Variants in CBX3 observed in about 807,000 individuals in gnomAD.
CBX3 encodes chromobox 3.
CBX3 carries 5 observed loss-of-function variants against 22.6 expected under a neutral mutation model. The ratio of observed to expected loss-of-function variants is 0.22; its 90% CI spans 0.12 to 0.47. The LOEUF is 0.47. CBX3 is among the 20% of genes least tolerant of loss of function. The pLI is 0.99. For synonymous variants in CBX3, 50 were observed against 66.6 expected, an observed-to-expected ratio of 0.75 and a Z score of 1.21; for missense variants, 83 against 208.1, an observed-to-expected ratio of 0.40 and a Z score of 3.70.
intron 1 of CBX3, chr7:26,202,038 C>G (rs903916367): frequency 6.6e-6 from 1 of 151,744 alleles, no homozygotes; most frequent in South Asian, 2.1e-4. Flanking sequence ...GACTGCTCTG[C>G]CCTCGAGGGG....
intron 3 of CBX3, among the ~76,000 whole-genome samples, chr7:26,207,183 G>A (rs10085828): frequency 0.046 from 6,992 of 152,222 alleles, 552 homozygotes; most frequent in African/African-American, 0.16. Context: ...TCCTGAGCAC[G>A]CTGGAGATGG....
intron 3 of CBX3, among the ~76,000 whole-genome samples, chr7:26,206,834 CAG>C (rs1190149177): frequency 3.9e-5 from 6 of 152,270 alleles, no homozygotes; most frequent in African/African-American, 9.6e-5. Context: ...TTCCTCCACA[CAG>C]AGGGTGCTAA....
chr7:26,206,523 A>C lies in CBX3; in HGVS notation c.167+13A>C. 1 of 1,584,068 alleles carries C rather than the reference A, an allele frequency of 6.3e-7. No individual in the cohort carries two copies. Among genetic ancestry groups the C allele is most frequent in the Non-Finnish European group, 8.6e-7 (1 of 1,162,520 alleles). On this transcript the variant is annotated intron_variant, in intron 3 of 5. Transcript: ENST00000396386. ...AGGGATTTACAGAGTAAGAAACTTTAGTGCATCTTTACTATATGTTTAACT... is the reference window on the plus strand; with the variant it reads ...AGGGATTTACAGAGTAAGAAACTTTCGTGCATCTTTACTATATGTTTAACT...
intron 4 of CBX3, among the ~76,000 whole-genome samples, chr7:26,209,787 AGT>A (rs1242993065): frequency 1.3e-5 from 2 of 152,182 alleles, no homozygotes; most frequent in African/African-American, 4.8e-5. Flanking sequence ...CTACTGACCT[AGT>A]GTGGCAATTT....
chr7:26,206,378 G>A lies in CBX3; in HGVS notation c.35G>A (p.Gly12Glu). The A allele has an allele frequency of 6.2e-7, 1 of 1,600,422 alleles. No individual in the cohort carries two copies. The highest frequency in any genetic ancestry group is 8.5e-7 in the Non-Finnish European group (1 of 1,175,528). ...ASNKTTLQKM[G>E]KKQNGKSKKV... Reference sequence around the variant, plus strand: ...TTTGTTTTATTTTAGCAAAAAATGGGAAAAAAACAGAATGGAAAGAGTAAA... The same window carrying A: ...TTTGTTTTATTTTAGCAAAAAATGGAAAAAAAACAGAATGGAAAGAGTAAA... The change falls in exon 3 of 6, where the codon GGA becomes GAA. Residue 12 changes from glycine to glutamate, a missense_variant. Gly to Glu is a moderately conservative substitution (Grantham distance 98, BLOSUM62 -2). Around this residue, in one of 3 missense-constraint regions of CBX3, gnomAD observed 24 missense variants for 25.1 expected, o/e 0.96. Transcript: ENST00000396386.
rs1784733042 is a variant in CBX3 at position 26,208,556 on chromosome 7, G to A, written c.330+1G>A. On this transcript the variant is annotated splice_donor_variant, in intron 4 of 5. Coordinates refer to ENST00000396386, the MANE Select transcript of CBX3 (RefSeq NM_016587.4). LOFTEE classifies it high-confidence loss of function. ...CAAATCAAAGAAGAAAAGAGATGCTGTAAGTATAAAATATTGCCCACCAGC... is the reference window on the plus strand; with the variant it reads ...CAAATCAAAGAAGAAAAGAGATGCTATAAGTATAAAATATTGCCCACCAGC... 1 of 1,590,024 alleles carries A rather than the reference G, an allele frequency of 6.3e-7. No individual in the cohort carries two copies. Among genetic ancestry groups the A allele is most frequent in the Non-Finnish European group, 8.6e-7 (1 of 1,165,472 alleles).
rs1262082771 is a variant in CBX3 at position 26,212,327 on chromosome 7, T to C, written c.*119T>C. On this transcript the variant is annotated 3_prime_UTR_variant, in exon 6 of 6. Coordinates refer to ENST00000396386, the MANE Select transcript of CBX3 (RefSeq NM_016587.4). ...TAATGAAAATCAAGTTTGATATGTT[T>C]GTTTTGAAAGTAGCGTTGGAAGAGT... is the stretch of plus-strand genomic sequence containing the variant. The C allele has an allele frequency of 3.0e-6, 2 of 660,016 alleles. No homozygotes were observed. The highest frequency in any genetic ancestry group is 4.1e-6 in the Non-Finnish European group (2 of 488,760). The allele number at this position is 660,016 out of a possible 1,614,324, so 40.9% of individuals were successfully genotyped here.
At position 26,213,474 on chromosome 7, in the gene CBX3, T is replaced by C. The variant is rs1784861312; in HGVS notation, c.*1266T>C. The C allele has an allele frequency of 6.6e-6, 1 of 152,216 alleles. No individual in the cohort carries two copies. Among genetic ancestry groups the C allele is most frequent in the Non-Finnish European group, 1.5e-5 (1 of 68,034 alleles). The allele number at this position is 152,216 out of a possible 1,614,324, so 9.4% of individuals were successfully genotyped here. On this transcript the variant is annotated 3_prime_UTR_variant, in exon 6 of 6. Coordinates refer to ENST00000396386, the MANE Select transcript of CBX3 (RefSeq NM_016587.4). ...TACCAGTAAGGCATTACAGTACATA[T>C]CCTAGATCTTTTGAGCTTACGAGTT...
At chr7:26,206,061 G>C (rs780970729) in intron 2 of CBX3, 1 of 251,012 alleles carries the variant, frequency 4.0e-6, no homozygotes, top group Non-Finnish European at 7.7e-6. Context: ...CTGCACTCCA[G>C]CCTGGGCGAC....
chr7:26,211,297 A>G (rs1173298656), intron 4 of CBX3, among the ~76,000 whole-genome samples: 1 of 152,188 alleles, frequency 6.6e-6, no homozygotes, highest in East Asian at 1.9e-4. Context: ...ATGTGTCAGT[A>G]ATTCAGACTA....
rs1432122351 is a variant in CBX3 at position 26,201,753 on chromosome 7, G to A, written c.-102G>A. 2 of 254,892 alleles carry A rather than the reference G, an allele frequency of 7.8e-6. No homozygotes were observed. Among genetic ancestry groups the A allele is most frequent in the Non-Finnish European group, 1.5e-5 (2 of 129,662 alleles). 15.8% of individuals were successfully genotyped at this position (254,892 alleles called of 1,614,324 possible). A position where few individuals can be genotyped will look rare whatever the true frequency, so the allele number is the denominator to read the frequency against. Reference sequence around the variant, plus strand: ...CTCCCGGCTCCCTCCCCCTTCGGATGTGGCTTGAGCTGTAGGCGCGGAGGG... The same window carrying A: ...CTCCCGGCTCCCTCCCCCTTCGGATATGGCTTGAGCTGTAGGCGCGGAGGG... On this transcript the variant is annotated 5_prime_UTR_variant, in exon 1 of 6. In the 5' UTR this introduces an upstream ATG that the reference lacks. Coordinates refer to ENST00000396386, the MANE Select transcript of CBX3 (RefSeq NM_016587.4).
Position 26,212,983 on chromosome 7 carries a change from T to A in CBX3, c.*775T>A, listed in dbSNP as rs1784844126. ...CTAAGTTAAATGAACATTTAAAAGT[T>A]TCCCTAGCGGGCCATTCCTTAGCAA... On this transcript the variant is annotated 3_prime_UTR_variant, in exon 6 of 6. Coordinates refer to ENST00000396386, the MANE Select transcript of CBX3 (RefSeq NM_016587.4). The A allele has an allele frequency of 6.6e-6, 1 of 152,274 alleles. No homozygotes were observed. Among genetic ancestry groups the A allele is most frequent in the African/African-American group, 2.4e-5 (1 of 41,476 alleles). The allele number at this position is 152,274 out of a possible 1,614,324, so 9.4% of individuals were successfully genotyped here. A position where few individuals can be genotyped will look rare whatever the true frequency, so the allele number is the denominator to read the frequency against.
rs762119400 is a variant in CBX3 at position 26,203,386 on chromosome 7, G to C, written c.24+364G>C. 9.5e-4 allele frequency among the ~76,000 whole-genome samples: 145 copies of C among 152,248 alleles called. 1 individual carries two copies. The highest frequency in any genetic ancestry group is 2.8e-3 in the Admixed American group (43 of 15,292). On this transcript the variant is annotated intron_variant, in intron 2 of 5. Transcript: ENST00000396386. ...TTTTTCTTAAATCCCCAGAATTCTGGAGAAGTATTTTCATTAAAGCCCAAT... is the reference window on the plus strand; with the variant it reads ...TTTTTCTTAAATCCCCAGAATTCTGCAGAAGTATTTTCATTAAAGCCCAAT...
At chr7:26,205,599 C>G (rs761382816) in intron 2 of CBX3, among the ~76,000 whole-genome samples, 19 of 152,108 alleles carry the variant, frequency 1.2e-4, no homozygotes, top group Middle Eastern at 3.4e-3. Context: ...ATCATTGATG[C>G]TTTTGACATT....
At chr7:26,202,764 A>G (rs1323183494) in intron 1 of CBX3, 2 of 530,972 alleles carry the variant, frequency 3.8e-6, no homozygotes, top group Non-Finnish European at 3.3e-6. Flanking sequence ...CAGGATCCCC[A>G]GTAAAGTCTT....
At chr7:26,209,826 G>A (rs1216476724) in intron 4 of CBX3, 1 of 152,098 alleles carries the variant, frequency 6.6e-6, no homozygotes, top group African/African-American at 2.4e-5. Flanking sequence ...GCTGAATTAG[G>A]TTCTAGGCTC....
chr7:26,208,582 T>G, intron 4 of CBX3, 27 bp downstream of exon 4: 1 of 1,558,186 alleles, frequency 6.4e-7, no homozygotes, highest in South Asian at 1.2e-5. Context: ...GCCCACCAGC[T>G]TGTCCTTTTG....
At position 26,202,689 on chromosome 7, in the gene CBX3, A is replaced by G. The variant is rs78391041; in HGVS notation, c.-28-282A>G. The G allele has an allele frequency of 2.8e-3, 1,058 of 383,338 alleles. 22 individuals are homozygous for G. In the East Asian group the frequency reaches 0.04, roughly 15 times the overall value. 23.7% of individuals were successfully genotyped at this position (383,338 alleles called of 1,614,324 possible). On this transcript the variant is annotated intron_variant, in intron 1 of 5. Transcript: ENST00000396386. ...AAATGGAACATGGACTTTATTATAAATGGGACTTAGATTGGAAAAGACATT... is the reference window on the plus strand; with the variant it reads ...AAATGGAACATGGACTTTATTATAAGTGGGACTTAGATTGGAAAAGACATT...
intron 2 of CBX3, among the ~76,000 whole-genome samples, chr7:26,205,192 C>T (rs1784647046): frequency 1.3e-5 from 2 of 152,220 alleles, no homozygotes; most frequent in East Asian, 3.9e-4. Flanking sequence ...TTTTAATCCT[C>T]TCATAAAAAT....
Sources: allele counts gnomAD v4.1 joint callset (sites outside exome capture counted in the v4.1 genomes callset), GRCh38; gene constraint gnomAD v4.1.1; regional missense constraint gnomAD v4.1.1; transcripts MANE v1.5; gene names NCBI Gene and HGNC (gene_info 2026-07-23, HGNC 2026-07-21).